The following PCLO variants were observed in gnomAD, a reference collection of about 807,000 sequenced individuals.
PCLO encodes piccolo presynaptic cytomatrix protein.
Under a neutral mutation model 427.5 loss-of-function variants are expected in PCLO, and 82 were observed. That is an observed-to-expected ratio of 0.19 (90% CI 0.16 to 0.23). PCLO has a LOEUF of 0.23. Among genes scored for constraint, PCLO ranks in the 10% least tolerant of loss-of-function variants. The pLI, the probability that PCLO is intolerant of heterozygous loss-of-function variation, is 1.00. For missense variants in PCLO, 6,239 were observed against 6,115.9 expected (o/e 1.02, Z -0.67); for synonymous variants, 2,357 against 2,155.4 (o/e 1.09, Z -2.59).
intron 3 of PCLO, among the ~76,000 whole-genome samples, chr7:83,122,757 G>C (rs571953022): frequency 1.3e-5 from 2 of 152,038 alleles, no homozygotes; most frequent in African/African-American, 2.4e-5. Flanking sequence ...GACTCCACCA[G>C]AAAAACAATT....
At chr7:83,024,264 GA>G (rs1426436284) in intron 3 of PCLO, among the ~76,000 whole-genome samples, 1 of 152,176 alleles carries the variant, frequency 6.6e-6, no homozygotes, top group African/African-American at 2.4e-5. Context: ...TGCGCGAGCC[GA>G]AGCAGGGTGA....
At chr7:83,024,154 C>T (rs901693159) in intron 3 of PCLO, among the ~76,000 whole-genome samples, 5 of 152,166 alleles carry the variant, frequency 3.3e-5, no homozygotes, top group East Asian at 1.9e-4. Flanking sequence ...GCGTGAGCGA[C>T]GCAGAAGACG....
rs142406211 is a variant in PCLO, at chr7:82,922,029, T to C, written c.11113-5156A>G. ...AATGCAAATCAAAACCACAATGAGA[T>C]ACCATCCTACACCAGTCAGAATGGC... On this transcript the variant is annotated intron_variant, in intron 6 of 24. Coordinates refer to ENST00000333891, the MANE Select transcript of PCLO (RefSeq NM_033026.6). 2.0e-3 allele frequency among the ~76,000 whole-genome samples: 307 copies of C among 152,116 alleles called. 2 individuals are homozygous for C. The highest frequency in any genetic ancestry group is 7.1e-3 in the African/African-American group (295 of 41,550).
rs561248911 is a variant in PCLO at position 83,070,501 on chromosome 7, C to T, written c.3300+63749G>A. Among the ~76,000 whole-genome samples, 489 of 151,920 alleles carry T rather than the reference C, an allele frequency of 3.2e-3. 2 individuals carry two copies. The highest frequency in any genetic ancestry group is 4.9e-3 in the Non-Finnish European group (334 of 67,966). On this transcript the variant is annotated intron_variant, in intron 3 of 24. Coordinates refer to ENST00000333891, the MANE Select transcript of PCLO (RefSeq NM_033026.6). ...CTCCCGGGTTCACGCCATTCTCCTGCCTCAGCCTCCCGAGTAGCTGCGACT... is the reference window on the plus strand; with the variant it reads ...CTCCCGGGTTCACGCCATTCTCCTGTCTCAGCCTCCCGAGTAGCTGCGACT...
At chr7:83,062,245 T>C (rs1471186246) in intron 3 of PCLO, among the ~76,000 whole-genome samples, 2 of 152,166 alleles carry the variant, frequency 1.3e-5, no homozygotes, top group Non-Finnish European at 2.9e-5. Flanking sequence ...CATTATAGAA[T>C]TATGAAGAAT....
At chr7:82,876,453 T>TACACACACACACAC (rs1491311772) in intron 10 of PCLO, among the ~76,000 whole-genome samples, 1 of 60,426 alleles carries the variant, frequency 1.7e-5, no homozygotes, top group African/African-American at 1.3e-4. Flanking sequence ...CAAAAACAAG[T>TACACACACACACAC]ATACACACAC....
At chr7:82,918,501 C>T (rs181742242) in intron 6 of PCLO, among the ~76,000 whole-genome samples, 245 of 151,808 alleles carry the variant, frequency 1.6e-3, no homozygotes, top group Non-Finnish European at 3.0e-3. Flanking sequence ...ATCAATGGGC[C>T]ATAATTAAAT....
At chr7:83,069,418 A>G (rs2116346135) in intron 3 of PCLO, among the ~76,000 whole-genome samples, 1 of 152,320 alleles carries the variant, frequency 6.6e-6, no homozygotes, top group African/African-American at 2.4e-5. Context: ...TAATTACGTA[A>G]TGTATACAAA....
chr7:82,953,152 T>C lies in PCLO; in HGVS notation c.7801A>G (p.Ile2601Val), dbSNP rs778498784. The change falls in exon 5 of 25, where the codon ATT becomes GTT. Residue 2601 changes from isoleucine to valine, a missense_variant. Around this residue, in one of 5 missense-constraint regions of PCLO, gnomAD observed 4,677 missense variants for 4,468.4 expected, o/e 1.05. Coordinates refer to ENST00000333891, the MANE Select transcript of PCLO (RefSeq NM_033026.6). ...GGTGATCCCAAGGGCCAACTGGTAA[T>C]TGCTTGACTAGCAGAAGAATCTGTT... ...TPTDSSASQA[I>V]TSWPLGSPSK... 3.7e-6 allele frequency: 6 copies of C among 1,613,910 alleles called. No individual in the cohort carries two copies. The East Asian group carries it at 8.9e-5, about 24-fold the overall frequency.
In PCLO at chr7:82,949,753, A is replaced by C. The variant is rs768109864; in HGVS notation, c.10835T>G (p.Leu3612Arg). The C allele has an allele frequency of 1.2e-6, 2 of 1,613,738 alleles. No individual in the cohort carries two copies. Among genetic ancestry groups the C allele is most frequent in the African/African-American group, 2.7e-5 (2 of 74,886 alleles). ...SHLRADSTVQLAPSPPKSPKV... is the reference protein window; with the variant it reads ...SHLRADSTVQRAPSPPKSPKV... ...GGGGGATTTGGGTGGGGAAGGAGCC[A>C]GCTGTACTGTGGAATCTGCCCGGAG... The change falls in exon 6 of 25, where the codon CTG (leucine) becomes CGG (arginine). Residue 3612 changes from leucine (L) to arginine (R), a missense_variant. Leu to Arg is a moderately radical substitution (Grantham distance 102). Coordinates refer to ENST00000333891, the MANE Select transcript of PCLO (RefSeq NM_033026.6).
chr7:82,967,071 C>T (rs1382574149), intron 3 of PCLO, among the ~76,000 whole-genome samples: 2 of 152,030 alleles, frequency 1.3e-5, no homozygotes, highest in Non-Finnish European at 2.9e-5. Context: ...TGAACATAAT[C>T]TCATTCTTAA....
rs1032312823 is a variant in PCLO at position 82,757,570 on chromosome 7, T to G, written c.*1005A>C. On this transcript the variant is annotated 3_prime_UTR_variant, in exon 25 of 25. Transcript: ENST00000333891. ...TCAATGTCACAAGATTAATATGGTTTGTTTGCCAGAGAAAGAATTTTCTTT... is the reference window on the plus strand; with the variant it reads ...TCAATGTCACAAGATTAATATGGTTGGTTTGCCAGAGAAAGAATTTTCTTT... 7 of 151,990 alleles carry G rather than the reference T, an allele frequency of 4.6e-5. No homozygotes were observed. The highest frequency in any genetic ancestry group is 4.6e-4 in the Admixed American group (7 of 15,228). The allele number at this position is 151,990 out of a possible 1,614,324, so 9.4% of individuals were successfully genotyped here. A position where few individuals can be genotyped will look rare whatever the true frequency, so the allele number is the denominator to read the frequency against.
At chr7:83,040,532 T>C (rs896132384) in intron 3 of PCLO, among the ~76,000 whole-genome samples, 1 of 152,160 alleles carries the variant, frequency 6.6e-6, no homozygotes, top group Non-Finnish European at 1.5e-5. Flanking sequence ...CCAAGGACAA[T>C]GTTTAAATTT....
At chr7:82,769,115 G>A (rs1398603809) in intron 22 of PCLO, among the ~76,000 whole-genome samples, 3 of 152,070 alleles carry the variant, frequency 2.0e-5, no homozygotes, top group East Asian at 1.9e-4. Context: ...ATAAGATTGC[G>A]AAAACACTGA....
At chr7:83,030,603 C>G (rs1463763261) in intron 3 of PCLO, among the ~76,000 whole-genome samples, 1 of 152,146 alleles carries the variant, frequency 6.6e-6, no homozygotes, top group African/African-American at 2.4e-5. Flanking sequence ...ATGAGGAACA[C>G]ACCCCAGAAG....
chr7:82,814,278 G>A (rs1189775612), intron 20 of PCLO, among the ~76,000 whole-genome samples: 2 of 151,470 alleles, frequency 1.3e-5, no homozygotes, highest in African/African-American at 2.4e-5. Context: ...AACATCAAAT[G>A]AGAAAGGAAA....
At position 82,992,562 on chromosome 7, in the gene PCLO, G is replaced by A. The variant is rs74664514; in HGVS notation, c.3301-26075C>T. ...AACTCCTACTTATGAGTGAGAACAT[G>A]CAGAGAACATCACACACCAGGGCCT... On this transcript the variant is annotated intron_variant, in intron 3 of 24. Transcript: ENST00000333891. Among the ~76,000 whole-genome samples, 1,392 of 152,118 alleles carry A rather than the reference G, an allele frequency of 9.2e-3. 28 individuals are homozygous for A. The highest frequency in any genetic ancestry group is 0.03 in the African/African-American group (1,261 of 41,498).
chr7:82,820,594 G>A, intron 20 of PCLO: 1 of 1,228,564 alleles, frequency 8.1e-7, no homozygotes, highest in Non-Finnish European at 1.0e-6. Context: ...TCTGTTTGTA[G>A]GATCAAGAGA....
chr7:82,821,278 A>C, intron 20 of PCLO: 1 of 986,606 alleles, frequency 1.0e-6, no homozygotes, highest in African/African-American at 1.7e-5. Context: ...GATTAGACTG[A>C]CCGCTTTTAT....
Sources: allele counts gnomAD v4.1 joint callset (sites outside exome capture counted in the v4.1 genomes callset), GRCh38; gene constraint gnomAD v4.1.1; regional missense constraint gnomAD v4.1.1; transcripts MANE v1.5; gene names NCBI Gene and HGNC (gene_info 2026-07-23, HGNC 2026-07-21).